CC2D2A: variants seen among roughly 807,000 people sequenced by gnomAD.
CC2D2A encodes the protein coiled-coil and C2 domain-containing protein 2A.
Under a neutral mutation model 212.9 loss-of-function variants are expected in CC2D2A, and 155 were observed. The ratio of observed to expected loss-of-function variants is 0.73; its 90% CI spans 0.64 to 0.83. CC2D2A has a LOEUF of 0.83. CC2D2A is among the 40% of genes least tolerant of loss of function. The pLI is 0.00. For missense variants in CC2D2A, 1,856 were observed against 1,956.2 expected, an observed-to-expected ratio of 0.95 and a Z score of 0.97; for synonymous variants, 667 against 686.5, an observed-to-expected ratio of 0.97 and a Z score of 0.44.
chr4:15,589,741 A>C, intron 33 of CC2D2A, 62 bp downstream of exon 33: 6 of 1,183,496 alleles, frequency 5.1e-6, no homozygotes, highest in Non-Finnish European at 5.5e-6. Flanking sequence ...TAACTGACCT[A>C]TTGATTTAAA....
At chr4:15,519,020 G>A (rs764353348) in intron 11 of CC2D2A, among the ~76,000 whole-genome samples, 1 of 152,126 alleles carries the variant, frequency 6.6e-6, no homozygotes, top group Non-Finnish European at 1.5e-5. Flanking sequence ...TTCTACAGCC[G>A]GTTTGAATTT....
At chr4:15,501,057 G>C (rs1034197915) in intron 4 of CC2D2A, among the ~76,000 whole-genome samples, 1 of 152,036 alleles carries the variant, frequency 6.6e-6, no homozygotes, top group African/African-American at 2.4e-5. Flanking sequence ...CAAACTCCTC[G>C]TGTTGAAACC....
intron 1 of CC2D2A, among the ~76,000 whole-genome samples, chr4:15,470,700 T>TA (rs1713742342): frequency 3.3e-5 from 1 of 30,560 alleles, no homozygotes; most frequent in Non-Finnish European, 6.0e-5. Flanking sequence ...TATATATATA[T>TA]ATATATATAT....
chr4:15,511,504 G>A (rs1716569520), intron 8 of CC2D2A, 81 bp downstream of exon 8: 1 of 1,323,014 alleles, frequency 7.6e-7, no homozygotes, highest in African/African-American at 1.5e-5. Flanking sequence ...AAAGAAAGTG[G>A]CTGAGGAGAA....
intron 19 of CC2D2A, 122 bp from the exon 20 acceptor site, chr4:15,554,950 A>G: frequency 2.1e-6 from 2 of 948,670 alleles, no homozygotes; most frequent in Non-Finnish European, 1.6e-6. Flanking sequence ...CTTCCTTATG[A>G]TAACATTTTC....
At chr4:15,480,443 A>G (rs1714553862) in intron 3 of CC2D2A, among the ~76,000 whole-genome samples, 2 of 152,292 alleles carry the variant, frequency 1.3e-5, no homozygotes, top group African/African-American at 2.4e-5. Flanking sequence ...AGAGCTCTAC[A>G]TATTTTACCT....
At chr4:15,523,037 C>T (rs1383149564) in intron 11 of CC2D2A, among the ~76,000 whole-genome samples, 1 of 151,690 alleles carries the variant, frequency 6.6e-6, no homozygotes, top group Non-Finnish European at 1.5e-5. Context: ...TTGCTTGAAC[C>T]TAGGAGGCGA....
chr4:15,508,359 AGGCTCTGGTTTCCCATG>A (rs1716373124), intron 6 of CC2D2A, among the ~76,000 whole-genome samples: 1 of 152,194 alleles, frequency 6.6e-6, no homozygotes, highest in Non-Finnish European at 1.5e-5. Flanking sequence ...CCCTTGCCAC[AGGCTCTGGTTTCCCATG>A]GGCTAAACTA....
At chr4:15,556,026 T>C (rs1317570074) in intron 20 of CC2D2A, among the ~76,000 whole-genome samples, 1 of 152,248 alleles carries the variant, frequency 6.6e-6, no homozygotes, top group African/African-American at 2.4e-5. Context: ...GATTAATTAG[T>C]TATCATTTAG....
At position 15,560,592 on chromosome 4, in the gene CC2D2A, T is replaced by A; in HGVS notation, c.2984T>A (p.Met995Lys). 6.7e-7 allele frequency: 1 copy of A among 1,498,806 alleles called. No individual in the cohort carries two copies. The highest frequency in any genetic ancestry group is 9.2e-7 in the Non-Finnish European group (1 of 1,089,998). The allele number at this position is 1,498,806 out of a possible 1,614,324, so 92.8% of individuals were successfully genotyped here. A position where few individuals can be genotyped will look rare whatever the true frequency, so the allele number is the denominator to read the frequency against. The stretch of plus-strand genomic sequence containing the variant: ...AAACAATATTTTCTTCTTGCTGATA[T>A]GATAGTAGAAGAAGAAGTTCCCAAT... ...IAKQYFLLADMIVEEEVPNIS... is the reference protein window; with the variant it reads ...IAKQYFLLADKIVEEEVPNIS... The change falls in exon 23 of 37, where the codon ATG becomes AAG. Residue 995 changes from methionine to lysine, a missense_variant. Coordinates refer to ENST00000424120, the MANE Select transcript of CC2D2A (RefSeq NM_001378615.1).
rs900739612 is a variant in CC2D2A at position 15,600,720 on chromosome 4, G to A, written c.4675-517G>A. ...AGTTCAAGATCAGCCTTGGCAGCAT[G>A]GCAAAACTCCATCTCTACAAAAAAT... is the stretch of plus-strand genomic sequence containing the variant. On this transcript the variant is annotated intron_variant, in intron 36 of 36. Transcript: ENST00000424120. Among the ~76,000 whole-genome samples, 4 of 151,874 alleles carry A rather than the reference G, an allele frequency of 2.6e-5. No individual in the cohort carries two copies. The South Asian group carries it at 8.3e-4, about 32-fold the overall frequency.
chr4:15,599,503 A>G, intron 35 of CC2D2A, 26 bp from the exon 36 acceptor site: 1 of 1,471,754 alleles, frequency 6.8e-7, no homozygotes, highest in Non-Finnish European at 9.2e-7. Context: ...AGTCACCAAA[A>G]AATGGAATTT....
intron 4 of CC2D2A, among the ~76,000 whole-genome samples, chr4:15,483,201 G>C (rs927580882): frequency 4.6e-5 from 7 of 152,354 alleles, no homozygotes; most frequent in Admixed American, 4.6e-4. Flanking sequence ...ATTAGAGCAG[G>C]AGACAGACAA....
chr4:15,506,088 G>A (rs183766577), intron 6 of CC2D2A, among the ~76,000 whole-genome samples: 31 of 152,284 alleles, frequency 2.0e-4, no homozygotes, highest in African/African-American at 7.2e-4. Context: ...ATGGATATGT[G>A]CACATATGAT....
chr4:15,522,093 C>G (rs1717235713), intron 11 of CC2D2A, among the ~76,000 whole-genome samples: 1 of 152,172 alleles, frequency 6.6e-6, no homozygotes, highest in African/African-American at 2.4e-5. Flanking sequence ...CCCAGCTACT[C>G]AGGAGGCTGA....
chr4:15,530,241 G>A (rs1164450732), intron 13 of CC2D2A, among the ~76,000 whole-genome samples: 2 of 152,178 alleles, frequency 1.3e-5, no homozygotes, highest in Non-Finnish European at 2.9e-5. Flanking sequence ...AAAGTGCTGG[G>A]ATTACAGGCG....
chr4:15,519,656 G>A (rs916495454), intron 11 of CC2D2A: 1 of 431,294 alleles, frequency 2.3e-6, no homozygotes, highest in Non-Finnish European at 4.6e-6. Flanking sequence ...CATGGTGGAA[G>A]ACAAGGAGGA....
intron 17 of CC2D2A, among the ~76,000 whole-genome samples, chr4:15,548,825 G>A (rs187063518): frequency 6.6e-5 from 10 of 152,068 alleles, no homozygotes; most frequent in Non-Finnish European, 1.0e-4. Context: ...TAAAAATATA[G>A]AGAACATTTT....
intron 4 of CC2D2A, among the ~76,000 whole-genome samples, chr4:15,499,609 A>C (rs780002757): frequency 2.0e-5 from 3 of 152,220 alleles, no homozygotes; most frequent in Non-Finnish European, 4.4e-5. Context: ...AGAATAATTC[A>C]TAAAATTGTT....
Sources: allele counts gnomAD v4.1 joint callset (sites outside exome capture counted in the v4.1 genomes callset), GRCh38; gene constraint gnomAD v4.1.1; transcripts MANE v1.5; gene names NCBI Gene and HGNC (gene_info 2026-07-23, HGNC 2026-07-21).